Variants in FAM200B observed in about 807,000 individuals in gnomAD.
The protein encoded by FAM200B is zinc finger BED-type containing 11, also known as protein FAM200B.
Under a neutral mutation model 33.1 loss-of-function variants are expected in FAM200B, and 32 were observed. The observed-to-expected ratio is 0.97, with a 90% CI of 0.73 to 1.30. The LOEUF is 1.30. Among genes scored for constraint, FAM200B ranks in the 50% most tolerant of loss-of-function variants. The pLI is 0.00. For missense variants in FAM200B, 741 were observed against 754.0 expected, an observed-to-expected ratio of 0.98 and a Z score of 0.20; for synonymous variants, 240 against 264.8, an observed-to-expected ratio of 0.91 and a Z score of 0.91.
rs1211398599 is a variant in FAM200B at position 15,686,945 on chromosome 4, A to G, written c.-33A>G. On this transcript the variant is annotated 5_prime_UTR_variant, in exon 2 of 2. Transcript: ENST00000422728. Reference sequence around the variant, plus strand: ...TTTTTGAGTTAGTGCCAATTATAACATTTTAATCAAACTGGAACAAATTGC... The same window carrying G: ...TTTTTGAGTTAGTGCCAATTATAACGTTTTAATCAAACTGGAACAAATTGC... The G allele has an allele frequency of 8.6e-7, 1 of 1,157,990 alleles. No homozygotes were observed. Among genetic ancestry groups the G allele is most frequent in the Non-Finnish European group, 1.2e-6 (1 of 858,672 alleles). The allele number at this position is 1,157,990 out of a possible 1,614,324, so 71.7% of individuals were successfully genotyped here. A position where few individuals can be genotyped will look rare whatever the true frequency, so the allele number is the denominator to read the frequency against.
the FAM200B span, chr4:15,644,857 A>T: frequency 1.6e-6 from 1 of 629,732 alleles, no homozygotes; most frequent in Non-Finnish European, 2.7e-6. Flanking sequence ...TCATAAATTA[A>T]CAAGTTATAA....
At chr4:15,651,303 G>C in the FAM200B span, among the ~76,000 whole-genome samples, 5 of 151,896 alleles carry the variant, frequency 3.3e-5, no homozygotes, top group Admixed American at 6.6e-5. Context: ...GCTTCCGAAG[G>C]GGAAAAAAAA....
Position 15,689,071 on chromosome 4 carries a change from T to C in FAM200B, c.*120T>C, listed in dbSNP as rs1239174922. 2 of 781,002 alleles carry C rather than the reference T, an allele frequency of 2.6e-6. No homozygotes were observed. Among genetic ancestry groups the C allele is most frequent in the Non-Finnish European group, 3.6e-6 (2 of 557,414 alleles). 48.4% of individuals were successfully genotyped at this position (781,002 alleles called of 1,614,324 possible). A position where few individuals can be genotyped will look rare whatever the true frequency, so the allele number is the denominator to read the frequency against. On this transcript the variant is annotated 3_prime_UTR_variant, in exon 2 of 2. Transcript: ENST00000422728. ...TTTTGTTATGTTTTAATTTTTGTTA[T>C]ATTTAATAAAATTATTTTATGTTCA...
chr4:15,647,140 T>C, the FAM200B span, among the ~76,000 whole-genome samples: 1 of 146,082 alleles, frequency 6.8e-6, no homozygotes, highest in Non-Finnish European at 1.5e-5. Context: ...GGAGAATCAC[T>C]TGAACCCAGG....
At chr4:15,655,195 C>G in the FAM200B span, 1 of 1,401,446 alleles carries the variant, frequency 7.1e-7, no homozygotes, top group Non-Finnish European at 9.4e-7. Flanking sequence ...AGGCTCAGCG[C>G]TCCGTTACCT....
At chr4:15,644,495 T>G in the FAM200B span, 1 of 1,606,920 alleles carries the variant, frequency 6.2e-7, no homozygotes, top group Middle Eastern at 1.7e-4. Context: ...CAACTTACCT[T>G]AACATTCTTC....
chr4:15,653,459 T>C, the FAM200B span, among the ~76,000 whole-genome samples: 1 of 152,140 alleles, frequency 6.6e-6, no homozygotes, highest in Non-Finnish European at 1.5e-5. Context: ...TTGTGATTCT[T>C]TATTTTGGGA....
chr4:15,667,972 T>C, the FAM200B span, among the ~76,000 whole-genome samples: 1 of 149,526 alleles, frequency 6.7e-6, no homozygotes, highest in Non-Finnish European at 1.5e-5. Context: ...ACTCGGGAGG[T>C]GGAGGTTGCG....
the FAM200B span, among the ~76,000 whole-genome samples, chr4:15,672,740 T>C: frequency 6.6e-6 from 1 of 152,212 alleles, no homozygotes; most frequent in Admixed American, 6.5e-5. Context: ...CTTAAATACA[T>C]TAAATTTATT....
chr4:15,654,081 G>A, the FAM200B span, among the ~76,000 whole-genome samples: 2 of 152,126 alleles, frequency 1.3e-5, no homozygotes, highest in African/African-American at 4.8e-5. Context: ...TAAATTGCTG[G>A]TCTTGAGTGT....
the FAM200B span, among the ~76,000 whole-genome samples, chr4:15,653,868 G>A: frequency 2.6e-5 from 4 of 152,164 alleles, no homozygotes; most frequent in Non-Finnish European, 5.9e-5. Context: ...CCTGATGTCT[G>A]GGTGAAATCC....
At chr4:15,644,056 C>G in the FAM200B span, among the ~76,000 whole-genome samples, 1 of 152,352 alleles carries the variant, frequency 6.6e-6, no homozygotes, top group African/African-American at 2.4e-5. Context: ...CAGCAAAAAT[C>G]CTGCTGAATT....
the FAM200B span, among the ~76,000 whole-genome samples, chr4:15,651,051 TA>T: frequency 6.6e-6 from 1 of 152,210 alleles, no homozygotes; most frequent in Non-Finnish European, 1.5e-5. Flanking sequence ...CAAAAATAGA[TA>T]AGAAAACGGC....
the FAM200B span, among the ~76,000 whole-genome samples, chr4:15,665,065 A>G: frequency 4.6e-5 from 7 of 151,952 alleles, no homozygotes; most frequent in African/African-American, 1.2e-4. Flanking sequence ...TCATAAATTC[A>G]CTCCCACTAC....
chr4:15,676,694 G>T (rs775200205), upstream of FAM200B, among the ~76,000 whole-genome samples: 5 of 152,000 alleles, frequency 3.3e-5, no homozygotes, highest in African/African-American at 1.2e-4. Context: ...GAGTATTACG[G>T]GGGGGAGGGG....
At chr4:15,643,563 G>C in the FAM200B span, among the ~76,000 whole-genome samples, 1 of 95,912 alleles carries the variant, frequency 1.0e-5, no homozygotes, top group Non-Finnish European at 2.4e-5. Flanking sequence ...CTGCCACTAT[G>C]TCTGGCTAAA....
chr4:15,640,530 C>A, the FAM200B span, among the ~76,000 whole-genome samples: 1 of 151,586 alleles, frequency 6.6e-6, no homozygotes, highest in Non-Finnish European at 1.5e-5. Flanking sequence ...AAGACAGAGC[C>A]ATTTACAAAA....
the FAM200B span, chr4:15,655,302 C>T: frequency 7.2e-7 from 1 of 1,393,662 alleles, no homozygotes; most frequent in African/African-American, 1.5e-5. Flanking sequence ...ACTGCCTCAG[C>T]CTCCGCCTCA....
At chr4:15,679,933 A>C (rs1332622870), upstream of FAM200B, among the ~76,000 whole-genome samples, 1 of 152,256 alleles carries the variant, frequency 6.6e-6, no homozygotes, top group Non-Finnish European at 1.5e-5. Flanking sequence ...AAATGTAGAA[A>C]TGACATGTAT....
Sources: allele counts gnomAD v4.1 joint callset (sites outside exome capture counted in the v4.1 genomes callset), GRCh38; gene constraint gnomAD v4.1.1; transcripts MANE v1.5; gene names NCBI Gene and HGNC (gene_info 2026-07-23, HGNC 2026-07-21).